The following DYNC2H1 variants were observed in gnomAD, a reference collection of about 807,000 sequenced individuals.
DYNC2H1 encodes the protein dynein cytoplasmic 2 heavy chain 1, also known as cytoplasmic dynein 2 heavy chain 1.
DYNC2H1 carries 410 observed loss-of-function variants against 570.0 expected under a neutral mutation model. The ratio of observed to expected loss-of-function variants is 0.72; its 90% CI spans 0.66 to 0.78. The LOEUF (loss-of-function observed/expected upper bound fraction) is 0.78. DYNC2H1 is among the 30% of genes least tolerant of loss of function. DYNC2H1 has a pLI of 0.00. For missense variants in DYNC2H1, 4,865 were observed against 5,046.4 expected, an observed-to-expected ratio of 0.96 and a Z score of 1.09; for synonymous variants, 1,688 against 1,677.6, an observed-to-expected ratio of 1.01 and a Z score of -0.15.
chr11:103,231,369 T>G lies in DYNC2H1; in HGVS notation c.9440+23T>G, dbSNP rs1199359179. The G allele has an allele frequency of 2.0e-6, 3 of 1,481,904 alleles. No individual in the cohort carries two copies. The Admixed American group carries it at 5.6e-5, about 28-fold the overall frequency. The allele number at this position is 1,481,904 out of a possible 1,614,324, so 91.8% of individuals were successfully genotyped here. A position where few individuals can be genotyped will look rare whatever the true frequency, so the allele number is the denominator to read the frequency against. On this transcript the variant is annotated intron_variant, in intron 60 of 88. Transcript: ENST00000375735. ...AAAGTAAGTTATATTTTGAAGTGTA[T>G]TTTGGATAATGCTGAGAGTGTTTAC...
chr11:103,235,658 T>C lies in DYNC2H1; in HGVS notation c.9568-14T>C. 6.3e-7 allele frequency: 1 copy of C among 1,597,980 alleles called. No individual in the cohort carries two copies. Among genetic ancestry groups the C allele is most frequent in the Non-Finnish European group, 8.5e-7 (1 of 1,171,662 alleles). On this transcript the variant is annotated splice_polypyrimidine_tract_variant and intron_variant, in intron 61 of 88. Transcript: ENST00000375735. ...CTCATATATCTCCCTCTTTCTTCTC[T>C]CTCTTTTTTCCAGGTTGTAGAGATA...
intron 1 of DYNC2H1, 63 bp downstream of exon 1, chr11:103,109,832 A>T: frequency 6.6e-7 from 1 of 1,514,054 alleles, no homozygotes; most frequent in Non-Finnish European, 8.9e-7. Flanking sequence ...GCCCAGCCAG[A>T]GGGACGTCGG....
In DYNC2H1 at chr11:103,168,911, G is replaced by A. The variant is rs776388776; in HGVS notation, c.4919G>A (p.Cys1640Tyr). The change falls in exon 32 of 89, where the codon TGT becomes TAT. Residue 1640 changes from cysteine (C) to tyrosine (Y), a missense_variant. Cys to Tyr is a radical substitution (Grantham distance 194, BLOSUM62 -2). Coordinates refer to ENST00000375735, the MANE Select transcript of DYNC2H1 (RefSeq NM_001377.3). ...LRFYMKSDHT[C>Y]CVQMVDSEFQ... ...TTCTATATGAAAAGTGATCATACAT[G>A]TTGTGTTCAAATGGTGGATTCTGAA... 1 of 1,612,598 alleles carries A rather than the reference G, an allele frequency of 6.2e-7. No individual in the cohort carries two copies. Among genetic ancestry groups the A allele is most frequent in the Non-Finnish European group, 8.5e-7 (1 of 1,179,392 alleles).
chr11:103,122,989 A>T lies in DYNC2H1; in HGVS notation c.1650A>T (p.Arg550Ser). The stretch of plus-strand genomic sequence containing the variant: ...TTCAATCAGGTTTATCTGATTCCAG[A>T]TCTGGTTTGTGGTAAGTATAGATAT... The part of the protein sequence containing the change: ...RDIQSGLSDS[R>S]SGLCIEASSR... Residue 550 changes from arginine (R) to serine (S), a missense_variant, in exon 11 of 89, where the codon AGA becomes AGT. Transcript: ENST00000375735. The T allele has an allele frequency of 6.6e-7, 1 of 1,525,654 alleles. No homozygotes were observed. Among genetic ancestry groups the T allele is most frequent in the Non-Finnish European group, 8.9e-7 (1 of 1,127,944 alleles). The allele number at this position is 1,525,654 out of a possible 1,614,324, so 94.5% of individuals were successfully genotyped here.
At chr11:103,449,856 T>C (rs377554117) in intron 85 of DYNC2H1, among the ~76,000 whole-genome samples, 3 of 152,280 alleles carry the variant, frequency 2.0e-5, no homozygotes, top group African/African-American at 7.2e-5. Context: ...TTAGGTAGCA[T>C]TTTTACAAAT....
At chr11:103,124,460 A>G (rs1389335878) in intron 11 of DYNC2H1, among the ~76,000 whole-genome samples, 2 of 151,374 alleles carry the variant, frequency 1.3e-5, no homozygotes, top group Admixed American at 6.6e-5. Context: ...AAAAAAAAAA[A>G]AAAAAAAAGC....
At chr11:103,464,104 G>C (rs1945111575) in intron 87 of DYNC2H1, among the ~76,000 whole-genome samples, 1 of 152,192 alleles carries the variant, frequency 6.6e-6, no homozygotes, top group South Asian at 2.1e-4. Context: ...GAAACAGCTA[G>C]TCAATTAGTT....
rs531719490 is a variant in DYNC2H1 at position 103,236,315 on chromosome 11, G to A, written c.9710-115G>A. ...TTTGGGTGTTAAATGTGGAAGAATG[G>A]GTTTCAAGTAAGGACTGTCATAGGA... On this transcript the variant is annotated intron_variant, in intron 62 of 88. Coordinates refer to ENST00000375735, the MANE Select transcript of DYNC2H1 (RefSeq NM_001377.3). 3.3e-5 allele frequency: 22 copies of A among 663,832 alleles called. No individual in the cohort carries two copies. In the South Asian group the frequency reaches 3.9e-4, roughly 12 times the overall value. 41.1% of individuals were successfully genotyped at this position (663,832 alleles called of 1,614,324 possible).
rs892349149 is a variant in DYNC2H1 at position 103,339,168 on chromosome 11, C to T, written c.12039+15178C>T. On this transcript the variant is annotated intron_variant, in intron 82 of 88. Transcript: ENST00000375735. ...AGTCTCTTGCTCTTCCCACTCTTTC[C>T]CCCAAGTGGAAGGGGTCTTTATGCT... Among the ~76,000 whole-genome samples, 3 of 152,122 alleles carry T rather than the reference C, an allele frequency of 2.0e-5. No individual in the cohort carries two copies. In the East Asian group the frequency reaches 5.8e-4, roughly 29 times the overall value.
intron 88 of DYNC2H1, among the ~76,000 whole-genome samples, chr11:103,471,708 T>C (rs1945393952): frequency 1.3e-5 from 2 of 152,250 alleles, no homozygotes; most frequent in Admixed American, 1.3e-4. Context: ...TTGTTGAGTT[T>C]TTATATACCA....
Position 103,203,110 on chromosome 11 carries a change from C to T in DYNC2H1, c.8198-553C>T, listed in dbSNP as rs1245538021. ...TTGAACATTGTCAAATATTTGTCCTCAGAAATTTAAAGTCTAATTGGAGAT... is the reference window on the plus strand; with the variant it reads ...TTGAACATTGTCAAATATTTGTCCTTAGAAATTTAAAGTCTAATTGGAGAT... On this transcript the variant is annotated intron_variant, in intron 50 of 88. Coordinates refer to ENST00000375735, the MANE Select transcript of DYNC2H1 (RefSeq NM_001377.3). This position sits in a 1 kb window ranked among gnomAD's most constrained non-coding sequence, Gnocchi z 4.7. Among the ~76,000 whole-genome samples, 2 of 152,032 alleles carry T rather than the reference C, an allele frequency of 1.3e-5. No homozygotes were observed. The highest frequency in any genetic ancestry group is 2.9e-5 in the Non-Finnish European group (2 of 67,998).
intron 36 of DYNC2H1, 110 bp downstream of exon 36, chr11:103,174,280 G>A (rs1454602096): frequency 1.3e-6 from 1 of 781,370 alleles, no homozygotes; most frequent in Non-Finnish European, 1.9e-6. Flanking sequence ...AAGGATTACT[G>A]TATACCCTGC....
At chr11:103,475,653 C>T (rs1186718625) in intron 88 of DYNC2H1, among the ~76,000 whole-genome samples, 1 of 152,132 alleles carries the variant, frequency 6.6e-6, no homozygotes, top group Non-Finnish European at 1.5e-5. Context: ...TATTGCTTTG[C>T]TTTAAAACAC....
rs750998704 is a variant in DYNC2H1, at chr11:103,184,952, T to C, written c.6534T>C (p.His2178=). The change falls in exon 41 of 89, where the codon CAT becomes CAC. Residue 2178 remains histidine, a synonymous_variant. Transcript: ENST00000375735. The part of the protein sequence containing the change: ...LVGTVMNGLS[H]LHGCRDHDEF... ...GGACTGTGATGAATGGTTTGTCACATCTACATGGTTGCAGAGATCATGACG... is the reference window on the plus strand; with the variant it reads ...GGACTGTGATGAATGGTTTGTCACACCTACATGGTTGCAGAGATCATGACG... 3.1e-6 allele frequency: 5 copies of C among 1,611,198 alleles called. No individual in the cohort carries two copies. The highest frequency in any genetic ancestry group is 1.6e-4 in the Middle Eastern group (1 of 6,072).
At chr11:103,292,797 T>C (rs11225661) in intron 75 of DYNC2H1, among the ~76,000 whole-genome samples, 25,148 of 152,226 alleles carry the variant, frequency 0.17, 2,263 homozygotes, top group Admixed American at 0.25. Flanking sequence ...TGCTTCTCCT[T>C]TGCCTTCTGC....
chr11:103,153,552 C>T lies in DYNC2H1; in HGVS notation c.3302+44C>T, dbSNP rs554498476. 2.8e-6 allele frequency: 4 copies of T among 1,445,980 alleles called. No individual in the cohort carries two copies. In the East Asian group the frequency reaches 7.4e-5, roughly 27 times the overall value. The allele number at this position is 1,445,980 out of a possible 1,614,324, so 89.6% of individuals were successfully genotyped here. On this transcript the variant is annotated intron_variant, in intron 22 of 88. Transcript: ENST00000375735. The stretch of plus-strand genomic sequence containing the variant: ...ATTGATAGTGCTTATTTTGAAAAAA[C>T]AATTTATATATCAAGCTAGTAATTT...
chr11:103,392,719 A>G lies in DYNC2H1; in HGVS notation c.12157-6944A>G, dbSNP rs557414289. ...GAAAAATATACATCATTTGATTTTTAGGGGGTATGGAGGCAAAGATAAACT... is the reference window on the plus strand; with the variant it reads ...GAAAAATATACATCATTTGATTTTTGGGGGGTATGGAGGCAAAGATAAACT... On this transcript the variant is annotated intron_variant, in intron 83 of 88. Transcript: ENST00000375735. Among the ~76,000 whole-genome samples, 5 of 152,202 alleles carry G rather than the reference A, an allele frequency of 3.3e-5. No homozygotes were observed. In the East Asian group the frequency reaches 9.7e-4, roughly 29 times the overall value.
chr11:103,208,853 T>C (rs191937870), intron 52 of DYNC2H1, among the ~76,000 whole-genome samples: 20 of 152,250 alleles, frequency 1.3e-4, no homozygotes, highest in African/African-American at 4.3e-4. Flanking sequence ...AAAGTACCAT[T>C]TTTACTTCAA....
At position 103,170,740 on chromosome 11, in the gene DYNC2H1, A is replaced by G. The variant is rs947225232; in HGVS notation, c.5152-146A>G. 5 of 728,826 alleles carry G rather than the reference A, an allele frequency of 6.9e-6. No individual in the cohort carries two copies. Among genetic ancestry groups the G allele is most frequent in the Admixed American group, 8.0e-5 (2 of 24,848 alleles). 45.1% of individuals were successfully genotyped at this position (728,826 alleles called of 1,614,324 possible). A position where few individuals can be genotyped will look rare whatever the true frequency, so the allele number is the denominator to read the frequency against. On this transcript the variant is annotated intron_variant, in intron 33 of 88. Transcript: ENST00000375735. This position sits in a 1 kb window ranked among gnomAD's most constrained non-coding sequence, Gnocchi z 4.8. ...AAATCAACCTGGGTTTTGAAAGAGT[A>G]GCTACTTAATCCGTATTTTAAAATG...
Sources: allele counts gnomAD v4.1 joint callset (sites outside exome capture counted in the v4.1 genomes callset), GRCh38; gene constraint gnomAD v4.1.1; non-coding constraint Gnocchi (gnomAD v3.1); transcripts MANE v1.5; gene names NCBI Gene and HGNC (gene_info 2026-07-23, HGNC 2026-07-21).